The following FNIP1 variants were observed in gnomAD, a reference collection of about 807,000 sequenced individuals.
FNIP1 encodes the protein folliculin-interacting protein 1.
In FNIP1, 40 loss-of-function variants were observed where a neutral mutation model predicts 124.5. That is an observed-to-expected ratio of 0.32 (90% CI 0.25 to 0.42). The LOEUF (loss-of-function observed/expected upper bound fraction) is 0.42, where lower values mean the gene tolerates loss of function less well. Ranked by LOEUF, FNIP1 falls within the 10% of genes least tolerant of loss-of-function variation. FNIP1 has a pLI of 1.00. For synonymous variants in FNIP1, 472 were observed against 470.6 expected, an observed-to-expected ratio of 1.00 and a Z score of -0.04; for missense variants, 1,176 against 1,403.7, an observed-to-expected ratio of 0.84 and a Z score of 2.59.
At chr5:131,780,921 G>GT (rs1243699047) in intron 1 of FNIP1, among the ~76,000 whole-genome samples, 1 of 152,206 alleles carries the variant, frequency 6.6e-6, no homozygotes, top group Non-Finnish European at 1.5e-5. Flanking sequence ...ATCAAGCGTA[G>GT]TGAGGAAGGC....
intron 1 of FNIP1, among the ~76,000 whole-genome samples, chr5:131,769,491 C>G (rs1436747242): frequency 6.6e-6 from 1 of 152,150 alleles, no homozygotes; most frequent in Non-Finnish European, 1.5e-5. Flanking sequence ...TTCAAAATCC[C>G]TAAAAACTCC....
intron 13 of FNIP1, among the ~76,000 whole-genome samples, chr5:131,676,906 G>A (rs1447010816): frequency 6.6e-6 from 1 of 152,078 alleles, no homozygotes; most frequent in Non-Finnish European, 1.5e-5. Flanking sequence ...CAATCCACCT[G>A]GCAAGCTCAA....
chr5:131,769,536 G>T lies in FNIP1; in HGVS notation c.93-24846C>A, dbSNP rs576236797. 2.4e-4 allele frequency among the ~76,000 whole-genome samples: 37 copies of T among 152,228 alleles called. 3 individuals carry two copies. The South Asian group carries it at 7.7e-3, about 32-fold the overall frequency. On this transcript the variant is annotated intron_variant, in intron 1 of 17. Transcript: ENST00000510461. ...CAACTGTCAACCCAGGTTAATAACAGCAATGAACCATATTTATCTGAAACC... is the reference window on the plus strand; with the variant it reads ...CAACTGTCAACCCAGGTTAATAACATCAATGAACCATATTTATCTGAAACC...
At chr5:131,706,980 T>C (rs1769134600) in intron 8 of FNIP1, among the ~76,000 whole-genome samples, 1 of 152,168 alleles carries the variant, frequency 6.6e-6, no homozygotes, top group Non-Finnish European at 1.5e-5. Flanking sequence ...AAAGAGGTCA[T>C]TTACAAGTAT....
intron 5 of FNIP1, among the ~76,000 whole-genome samples, chr5:131,716,858 T>TA (rs1769482552): frequency 6.6e-6 from 1 of 152,128 alleles, no homozygotes; most frequent in South Asian, 2.1e-4. Flanking sequence ...TTTTTGTAAA[T>TA]AAAGTTTTAT....
chr5:131,682,345 CA>C (rs1446037420), intron 11 of FNIP1, among the ~76,000 whole-genome samples: 1 of 152,128 alleles, frequency 6.6e-6, no homozygotes, highest in African/African-American at 2.4e-5. Flanking sequence ...AGAGTGTTAT[CA>C]AGTATAAAGA....
chr5:131,755,973 C>T (rs754281622), intron 1 of FNIP1, among the ~76,000 whole-genome samples: 2 of 151,530 alleles, frequency 1.3e-5, no homozygotes, highest in Non-Finnish European at 2.9e-5. Flanking sequence ...TGAGATTGTA[C>T]CACTGTATTC....
intron 15 of FNIP1, among the ~76,000 whole-genome samples, chr5:131,658,100 T>C (rs372569772): frequency 2.1e-5 from 3 of 145,486 alleles, no homozygotes; most frequent in East Asian, 4.1e-4. Flanking sequence ...ACAGACACCA[T>C]ACCAGAGGAA....
rs34544569 is a variant in FNIP1, at chr5:131,763,288, TACACACACACAC to T, written c.93-18610_93-18599del. On this transcript the variant is annotated intron_variant, in intron 1 of 17. Transcript: ENST00000510461. The stretch of plus-strand genomic sequence containing the variant: ...ATCTCACATACTTTGCAAATGCAAA[TACACACACACAC>T]ACACACACACACACACACACACACA... Among the ~76,000 whole-genome samples the T allele has an allele frequency of 9.2e-3, 1,360 of 148,444 alleles. 13 individuals carry two copies. The highest frequency in any genetic ancestry group is 0.028 in the Middle Eastern group (8 of 290).
chr5:131,770,651 T>A (rs762493235), intron 1 of FNIP1, among the ~76,000 whole-genome samples: 21 of 152,218 alleles, frequency 1.4e-4, no homozygotes, highest in Admixed American at 3.3e-4. Context: ...CACATACTGA[T>A]TCTCTGTGAT....
intron 6 of FNIP1, among the ~76,000 whole-genome samples, chr5:131,715,344 G>A (rs981983188): frequency 4.6e-5 from 7 of 152,044 alleles, no homozygotes; most frequent in Admixed American, 1.3e-4. Context: ...AAATCAGCCG[G>A]GTGTGATGGC....
intron 6 of FNIP1, among the ~76,000 whole-genome samples, chr5:131,713,219 T>A (rs1769357796): frequency 6.6e-6 from 1 of 152,160 alleles, no homozygotes; most frequent in Non-Finnish European, 1.5e-5. Context: ...AATTTTCTTT[T>A]GTGTTTTACA....
chr5:131,698,809 G>T, intron 11 of FNIP1, 108 bp downstream of exon 11: 1 of 846,924 alleles, frequency 1.2e-6, no homozygotes, highest in Non-Finnish European at 1.8e-6. Flanking sequence ...ACCATCATAT[G>T]ACTATAGGAC....
At position 131,687,158 on chromosome 5, in the gene FNIP1, T is replaced by C. The variant is rs552930114; in HGVS notation, c.1203-7983A>G. 4.6e-5 allele frequency among the ~76,000 whole-genome samples: 7 copies of C among 150,624 alleles called. No individual in the cohort carries two copies. In the East Asian group the frequency reaches 1.2e-3, roughly 25 times the overall value. ...TCTTGCTCTGTCATGCAAGCTAGAG[T>C]GCAATGGCACAATCTCGGCTCACTG... is the stretch of plus-strand genomic sequence containing the variant. On this transcript the variant is annotated intron_variant, in intron 11 of 17. Transcript: ENST00000510461.
At chr5:131,670,836 G>A (rs887366326) in intron 14 of FNIP1, among the ~76,000 whole-genome samples, 1 of 151,928 alleles carries the variant, frequency 6.6e-6, no homozygotes, top group Non-Finnish European at 1.5e-5. Context: ...TAAAATCATC[G>A]TTATTTAAAA....
intron 10 of FNIP1, among the ~76,000 whole-genome samples, chr5:131,702,252 C>A (rs1220857071): frequency 6.6e-6 from 1 of 152,232 alleles, no homozygotes; most frequent in Non-Finnish European, 1.5e-5. Context: ...TCACAACTCA[C>A]TACAGCCTCG....
Position 131,796,846 on chromosome 5 carries a change from G to T in FNIP1, c.76C>A (p.Pro26Thr), listed in dbSNP as rs775871867. Residue 26 changes from proline (P) to threonine (T), a missense_variant, in exon 1 of 18, where the codon CCA (proline) becomes ACA (threonine). Pro to Thr is a conservative substitution (Grantham distance 38, BLOSUM62 -1). Around this residue, in one of 2 missense-constraint regions of FNIP1, gnomAD observed 1,109 missense variants for 1,288.5 expected, o/e 0.86. Coordinates refer to ENST00000510461, the MANE Select transcript of FNIP1 (RefSeq NM_133372.3). ...LGAPGRDARD[P>T]DCGFSWPLPE... ...GCGCCCTACCTGAACCCGCAATCTG[G>T]GTCCCGGGCGTCGCGGCCGGGCGCG... 3 of 1,598,052 alleles carry T rather than the reference G, an allele frequency of 1.9e-6. No homozygotes were observed. The highest frequency in any genetic ancestry group is 1.7e-6 in the Non-Finnish European group (2 of 1,173,180).
intron 1 of FNIP1, among the ~76,000 whole-genome samples, chr5:131,749,126 A>G (rs1434659492): frequency 6.6e-6 from 1 of 152,242 alleles, no homozygotes; most frequent in Non-Finnish European, 1.5e-5. Context: ...ACAGTTCAAA[A>G]GATTTTAAAA....
chr5:131,785,122 GATATATATGACTATATATATAGTC>G (rs1319177268), intron 1 of FNIP1, among the ~76,000 whole-genome samples: 4 of 20,408 alleles, frequency 2.0e-4, no homozygotes, highest in Non-Finnish European at 4.1e-4. Context: ...TCATATATAT[GATATATATGACTATATATATAGTC>G]ATATATATGA....
Sources: allele counts gnomAD v4.1 joint callset (sites outside exome capture counted in the v4.1 genomes callset), GRCh38; gene constraint gnomAD v4.1.1; regional missense constraint gnomAD v4.1.1; transcripts MANE v1.5; gene names NCBI Gene and HGNC (gene_info 2026-07-23, HGNC 2026-07-21).